TASP1: variants seen among roughly 807,000 people sequenced by gnomAD.
The protein encoded by TASP1 is taspase 1, also known as threonine aspartase 1.
In TASP1, 16 loss-of-function variants were observed where a neutral mutation model predicts 56.6. That is an observed-to-expected ratio of 0.28 (90% CI 0.19 to 0.43). The LOEUF is 0.43. Among genes scored for constraint, TASP1 ranks in the 20% least tolerant of loss-of-function variants. The pLI is 1.00. For missense variants in TASP1, 393 were observed against 511.6 expected (o/e 0.77, Z 2.24); for synonymous variants, 179 against 184.2 (o/e 0.97, Z 0.23).
chr20:13,186,215 T>C, the TASP1 span, among the ~76,000 whole-genome samples: 1 of 152,180 alleles, frequency 6.6e-6, no homozygotes, highest in Non-Finnish European at 1.5e-5. Flanking sequence ...CCAAGAAAGA[T>C]TCCCTCCTGG....
At chr20:13,529,304 C>T (rs1305963818) in intron 9 of TASP1, among the ~76,000 whole-genome samples, 1 of 152,184 alleles carries the variant, frequency 6.6e-6, no homozygotes, top group Non-Finnish European at 1.5e-5. Flanking sequence ...TGCTACTTCT[C>T]TTCAATATCC....
the TASP1 span, among the ~76,000 whole-genome samples, chr20:13,202,252 A>C: frequency 4.6e-5 from 7 of 152,320 alleles, no homozygotes; most frequent in African/African-American, 1.7e-4. Flanking sequence ...TCAAGCTACC[A>C]ACATGATGTC....
intron 12 of TASP1, among the ~76,000 whole-genome samples, chr20:13,432,746 G>A (rs967644347): frequency 3.3e-5 from 5 of 152,080 alleles, no homozygotes; most frequent in East Asian, 1.9e-4. Flanking sequence ...ACTATATAAC[G>A]TGAGCTAAAA....
intron 4 of TASP1, among the ~76,000 whole-genome samples, chr20:13,593,948 T>G (rs1450637748): frequency 6.6e-6 from 1 of 152,186 alleles, no homozygotes; most frequent in East Asian, 1.9e-4. Context: ...CACCTCCCAG[T>G]AGGGGCTGAC....
At chr20:13,295,441 T>TGCCC in the TASP1 span, among the ~76,000 whole-genome samples, 1 of 152,188 alleles carries the variant, frequency 6.6e-6, no homozygotes, top group Non-Finnish European at 1.5e-5. Flanking sequence ...GAACATGTCA[T>TGCCC]GCCCCAGCCC....
At chr20:13,404,409 G>A (rs766526348) in intron 13 of TASP1, among the ~76,000 whole-genome samples, 15 of 152,028 alleles carry the variant, frequency 9.9e-5, no homozygotes, top group East Asian at 1.9e-4. Flanking sequence ...TTGAGATTAC[G>A]CCAGCCTGGG....
intron 4 of TASP1, among the ~76,000 whole-genome samples, chr20:13,617,972 T>C (rs1349890213): frequency 1.3e-5 from 2 of 151,990 alleles, no homozygotes; most frequent in Admixed American, 6.6e-5. Flanking sequence ...ACACAGACAA[T>C]TCCAGCCAGA....
At chr20:13,384,022 T>C in the TASP1 span, among the ~76,000 whole-genome samples, 1 of 152,216 alleles carries the variant, frequency 6.6e-6, no homozygotes, top group Non-Finnish European at 1.5e-5. Flanking sequence ...AAAATCTTAC[T>C]ACTTGTACAT....
the TASP1 span, among the ~76,000 whole-genome samples, chr20:13,306,652 C>T: frequency 6.6e-6 from 1 of 150,968 alleles, no homozygotes; most frequent in East Asian, 2.0e-4. Context: ...GTCACTCACT[C>T]TCTGTGTTAT....
intron 8 of TASP1, among the ~76,000 whole-genome samples, chr20:13,550,691 T>C (rs2045955203): frequency 6.6e-6 from 1 of 152,096 alleles, no homozygotes; most frequent in Non-Finnish European, 1.5e-5. Flanking sequence ...AGAAGACTAA[T>C]TACTCCTTTT....
intron 11 of TASP1, among the ~76,000 whole-genome samples, chr20:13,438,619 C>T (rs903367029): frequency 7.2e-5 from 11 of 152,216 alleles, no homozygotes; most frequent in African/African-American, 2.6e-4. Context: ...TCTAAAACAC[C>T]AAAAGCAATG....
chr20:13,366,472 C>T, the TASP1 span, among the ~76,000 whole-genome samples: 1 of 152,172 alleles, frequency 6.6e-6, no homozygotes, highest in East Asian at 1.9e-4. Context: ...CTAATTTCTA[C>T]CTTTTATCTA....
chr20:13,277,386 CTTGCAGACGA>C, the TASP1 span, among the ~76,000 whole-genome samples: 3 of 152,026 alleles, frequency 2.0e-5, no homozygotes, highest in Non-Finnish European at 4.4e-5. Context: ...CCTTAATAGC[CTTGCAGACGA>C]TTGTTGCAGC....
At chr20:13,321,969 G>A in the TASP1 span, among the ~76,000 whole-genome samples, 18,103 of 152,094 alleles carry the variant, frequency 0.12, 1,531 homozygotes, top group Non-Finnish European at 0.18. Flanking sequence ...TGATCATAAC[G>A]ATACTGTTGC....
At chr20:13,558,793 T>C (rs1339217110) in intron 8 of TASP1, among the ~76,000 whole-genome samples, 5 of 152,114 alleles carry the variant, frequency 3.3e-5, no homozygotes, top group Non-Finnish European at 5.9e-5. Flanking sequence ...TAAAATATAT[T>C]AAAATTAATT....
At chr20:13,400,129 C>T (rs772979404) in intron 13 of TASP1, among the ~76,000 whole-genome samples, 5 of 152,136 alleles carry the variant, frequency 3.3e-5, no homozygotes, top group Non-Finnish European at 5.9e-5. Context: ...TTCGTTATTT[C>T]CCCCACCAGT....
chr20:13,550,995 A>G (rs978733681), intron 8 of TASP1, among the ~76,000 whole-genome samples: 1 of 152,186 alleles, frequency 6.6e-6, no homozygotes, highest in Admixed American at 6.6e-5. Flanking sequence ...TGGTGGATAA[A>G]AGGGAAAAAT....
At chr20:13,211,992 A>G in the TASP1 span, among the ~76,000 whole-genome samples, 38 of 152,156 alleles carry the variant, frequency 2.5e-4, no homozygotes, top group Non-Finnish European at 5.3e-4. Context: ...TAGTCCCCCT[A>G]TGACACTACG....
At chr20:13,456,519 C>T (rs1339814589) in intron 11 of TASP1, among the ~76,000 whole-genome samples, 1 of 152,114 alleles carries the variant, frequency 6.6e-6, no homozygotes, top group Non-Finnish European at 1.5e-5. Flanking sequence ...GTAAAAAAGA[C>T]TGCATTGACA....
Sources: allele counts gnomAD v4.1 joint callset (sites outside exome capture counted in the v4.1 genomes callset), GRCh38; gene constraint gnomAD v4.1.1; transcripts MANE v1.5; gene names NCBI Gene and HGNC (gene_info 2026-07-23, HGNC 2026-07-21).